SLC33A1: variants seen among roughly 807,000 people sequenced by gnomAD.
SLC33A1 encodes solute carrier family 33 member 1, also known as acetyl-coenzyme A transporter 1.
Under a neutral mutation model 50.0 loss-of-function variants are expected in SLC33A1, and 20 were observed. The ratio of observed to expected loss-of-function variants is 0.40; its 90% confidence interval spans 0.28 to 0.58. The LOEUF (loss-of-function observed/expected upper bound fraction) is 0.58, where lower values mean the gene tolerates loss of function less well. Ranked by LOEUF, SLC33A1 falls within the 20% of genes least tolerant of loss-of-function variation. The pLI is 0.44. For synonymous variants in SLC33A1, 265 were observed against 251.8 expected (o/e 1.05, Z -0.50); for missense variants, 476 against 657.0 (o/e 0.72, Z 3.01).
Position 155,826,808 on chromosome 3 carries a change from C to CT in SLC33A1, c.*1401dup, listed in dbSNP as rs1387772355. On this transcript the variant is annotated 3_prime_UTR_variant, in exon 6 of 6. Transcript: ENST00000643144. ...CTCCATTACTTATAAAAACCCCACT[C>CT]TAAAATTCAACCTATGTTATAAAAT... 6.6e-6 allele frequency: 1 copy of CT among 152,134 alleles called. No individual in the cohort carries two copies. Among genetic ancestry groups the CT allele is most frequent in the Non-Finnish European group, 1.5e-5 (1 of 68,020 alleles). The allele number at this position is 152,134 out of a possible 1,614,324, so 9.4% of individuals were successfully genotyped here. A position where few individuals can be genotyped will look rare whatever the true frequency, so the allele number is the denominator to read the frequency against.
intron 1 of SLC33A1, among the ~76,000 whole-genome samples, chr3:155,849,911 AT>A (rs1753331107): frequency 1.0e-4 from 1 of 9,568 alleles, no homozygotes; most frequent in Non-Finnish European, 1.7e-4. Flanking sequence ...CCATCTCAGA[AT>A]AATAATAATA....
intron 1 of SLC33A1, chr3:155,845,187 G>T (rs1206370696): frequency 2.6e-5 from 4 of 152,124 alleles, no homozygotes; most frequent in Non-Finnish European, 5.9e-5. Context: ...CTAGGCAAAA[G>T]AATTGTAAAT....
chr3:155,850,853 G>A (rs1255546828), intron 1 of SLC33A1, among the ~76,000 whole-genome samples: 1 of 151,884 alleles, frequency 6.6e-6, no homozygotes, highest in Admixed American at 6.5e-5. Flanking sequence ...CTGATCTCAG[G>A]TGATCTGTCC....
At chr3:155,848,352 A>T (rs556104918) in intron 1 of SLC33A1, among the ~76,000 whole-genome samples, 1 of 152,320 alleles carries the variant, frequency 6.6e-6, no homozygotes, top group East Asian at 1.9e-4. Flanking sequence ...TTAGGAAATA[A>T]AAAAGGAATT....
chr3:155,837,354 T>G (rs1441386295), intron 2 of SLC33A1, among the ~76,000 whole-genome samples: 1 of 72,120 alleles, frequency 1.4e-5, no homozygotes, highest in Non-Finnish European at 2.4e-5. Context: ...AGACTCCGTC[T>G]CAAAAAAAAA....
rs1313481708 is a variant in SLC33A1 at position 155,833,490 on chromosome 3, A to T, written c.1244T>A (p.Leu415Gln). ...TACCTGATGTAAAGCATAACTCAGCAGGACTACGATATAGTAATATATAGG... is the reference window on the plus strand; with the variant it reads ...TACCTGATGTAAAGCATAACTCAGCTGGACTACGATATAGTAATATATAGG... ...GFPIYYYIVV[L>Q]LSYALHQVTV... Residue 415 changes from leucine (L) to glutamine (Q), a missense_variant, in exon 4 of 6, where the codon CTG becomes CAG. Leu to Gln is a moderately radical substitution (Grantham distance 113, BLOSUM62 -2). Transcript: ENST00000643144. The T allele has an allele frequency of 6.4e-7, 1 of 1,568,730 alleles. No homozygotes were observed. The highest frequency in any genetic ancestry group is 8.8e-7 in the Non-Finnish European group (1 of 1,138,778).
Position 155,829,774 on chromosome 3 carries a change from C to A in SLC33A1, c.1396G>T (p.Val466Leu), listed in dbSNP as rs769973927. Residue 466 changes from valine to leucine, a missense_variant, in exon 5 of 6, where the codon GTA (valine) becomes TTA (leucine). Physicochemically the swap from Val to Leu is conservative, Grantham distance 32. Coordinates refer to ENST00000643144, the MANE Select transcript of SLC33A1 (RefSeq NM_004733.4). ...AGGGGATCTACAAGCCAAAGAGCTACTGTAGAAGGCCAGTTTCCTCCCAGA... is the reference window on the plus strand; with the variant it reads ...AGGGGATCTACAAGCCAAAGAGCTAATGTAGAAGGCCAGTTTCCTCCCAGA... ...SNLGGNWPST[V>L]ALWLVDPLTV... 5.6e-6 allele frequency: 9 copies of A among 1,614,026 alleles called. No individual in the cohort carries two copies. The highest frequency in any genetic ancestry group is 1.1e-5 in the South Asian group (1 of 91,088).
Position 155,838,871 on chromosome 3 carries a change from G to T in SLC33A1, c.963+3561C>A, listed in dbSNP as rs146602925. Among the ~76,000 whole-genome samples the T allele has an allele frequency of 4.0e-4, 61 of 151,040 alleles. No homozygotes were observed. In the East Asian group the frequency reaches 0.012, roughly 30 times the overall value. Reference sequence around the variant, plus strand: ...TCTTAAAAAAAATAAAAAATAGGCCGGGTGCGGTGGCTCACGCCTGTAATA... The same window carrying T: ...TCTTAAAAAAAATAAAAAATAGGCCTGGTGCGGTGGCTCACGCCTGTAATA... On this transcript the variant is annotated intron_variant, in intron 2 of 5. Coordinates refer to ENST00000643144, the MANE Select transcript of SLC33A1 (RefSeq NM_004733.4).
intron 1 of SLC33A1, among the ~76,000 whole-genome samples, chr3:155,848,728 C>T (rs1209424642): frequency 1.3e-5 from 2 of 152,040 alleles, no homozygotes. Flanking sequence ...ATCCTATTGT[C>T]ACAAAACTAC....
At position 155,828,272 on chromosome 3, in the gene SLC33A1, G is replaced by A; in HGVS notation, c.1588C>T (p.Pro530Ser). The change falls in exon 6 of 6, where the codon CCA (proline) becomes TCA (serine). Residue 530 changes from proline to serine, a missense_variant. Physicochemically the swap from Pro to Ser is moderately conservative, Grantham distance 74 (BLOSUM62 -1). Coordinates refer to ENST00000643144, the MANE Select transcript of SLC33A1 (RefSeq NM_004733.4). ...TCATCCTGTAACTTTTTAAATTTTGGACCAAGAAAGAACCACCAACCAAAT... is the reference window on the plus strand; with the variant it reads ...TCATCCTGTAACTTTTTAAATTTTGAACCAAGAAAGAACCACCAACCAAAT... ...IGFGWWFFLG[P>S]KFKKLQDEGS... 2 of 1,612,078 alleles carry A rather than the reference G, an allele frequency of 1.2e-6. No individual in the cohort carries two copies. Among genetic ancestry groups the A allele is most frequent in the East Asian group, 2.2e-5 (1 of 44,792 alleles).
rs983198385 is a variant in SLC33A1, at chr3:155,833,789, T to C, written c.1148+68A>G. ...ATATATATAATTCTACGCTCAGATA[T>C]TAGTGGTATTGATGAATGTTCCTCA... On this transcript the variant is annotated intron_variant, in intron 3 of 5. Coordinates refer to ENST00000643144, the MANE Select transcript of SLC33A1 (RefSeq NM_004733.4). 3.4e-6 allele frequency: 4 copies of C among 1,186,416 alleles called. No individual in the cohort carries two copies. The African/African-American group carries it at 6.0e-5, about 18-fold the overall frequency. 73.5% of individuals were successfully genotyped at this position (1,186,416 alleles called of 1,614,324 possible).
chr3:155,844,483 T>A (rs1753084295), intron 1 of SLC33A1, among the ~76,000 whole-genome samples: 1 of 121,120 alleles, frequency 8.3e-6, no homozygotes, highest in Admixed American at 9.0e-5. Flanking sequence ...TTTTTTTTTT[T>A]TTTGAGACGG....
At chr3:155,844,853 A>G (rs989201686) in intron 1 of SLC33A1, 6 of 152,176 alleles carry the variant, frequency 3.9e-5, no homozygotes, top group African/African-American at 1.4e-4. Context: ...CATTATCCTT[A>G]TAAGTGAGGC....
At chr3:155,851,816 A>G (rs2108012546) in intron 1 of SLC33A1, among the ~76,000 whole-genome samples, 1 of 152,342 alleles carries the variant, frequency 6.6e-6, no homozygotes, top group South Asian at 2.1e-4. Flanking sequence ...CAACTGAGGA[A>G]AAAGTACTAT....
In SLC33A1 at chr3:155,828,242, A is replaced by T. The variant is rs761281506; in HGVS notation, c.1618T>A (p.Ser540Thr). The change falls in exon 6 of 6, where the codon TCA (serine) becomes ACA (threonine). Residue 540 changes from serine to threonine, a missense_variant. Coordinates refer to ENST00000643144, the MANE Select transcript of SLC33A1 (RefSeq NM_004733.4). ...PKFKKLQDEGSSSWKCKRNN is the reference protein window; with the variant it reads ...PKFKKLQDEGTSSWKCKRNN Reference sequence around the variant, plus strand: ...TTCCTTTTGCATTTCCACGAAGATGATCCTTCATCCTGTAACTTTTTAAAT... The same window carrying T: ...TTCCTTTTGCATTTCCACGAAGATGTTCCTTCATCCTGTAACTTTTTAAAT... 1 of 1,613,196 alleles carries T rather than the reference A, an allele frequency of 6.2e-7. No homozygotes were observed. Among genetic ancestry groups the T allele is most frequent in the Non-Finnish European group, 8.5e-7 (1 of 1,179,248 alleles).
At chr3:155,832,337 C>T (rs762061824) in intron 4 of SLC33A1, among the ~76,000 whole-genome samples, 4 of 151,640 alleles carry the variant, frequency 2.6e-5, no homozygotes, top group Non-Finnish European at 4.4e-5. Flanking sequence ...GAGATCGTGC[C>T]ATTGCACTCC....
chr3:155,837,532 T>A (rs1260382927), intron 2 of SLC33A1, among the ~76,000 whole-genome samples: 5 of 152,180 alleles, frequency 3.3e-5, no homozygotes, highest in Non-Finnish European at 1.5e-5. Flanking sequence ...TATTCCTATA[T>A]ATTTACCAAT....
intron 2 of SLC33A1, among the ~76,000 whole-genome samples, chr3:155,836,293 A>AAAAAAAAAAAAAAAAAAG: frequency 7.6e-6 from 1 of 131,804 alleles, no homozygotes; most frequent in Non-Finnish European, 1.5e-5. Flanking sequence ...AAAAAAAAAA[A>AAAAAAAAAAAAAAAAAAG]AAAAAAAAAA....
chr3:155,853,751 C>A lies in SLC33A1; in HGVS notation c.247G>T (p.Val83Leu). Reference protein sequence around the residue: ...SSILLLLFLYVLQGIPLGLAG... With the variant: ...SSILLLLFLYLLQGIPLGLAG... ...AAGCCCAGGGGAATACCCTGAAGCACGTAAAGAAAGAGTAGTAGCAAAATG... is the reference window on the plus strand; with the variant it reads ...AAGCCCAGGGGAATACCCTGAAGCAAGTAAAGAAAGAGTAGTAGCAAAATG... The change falls in exon 1 of 6, where the codon GTG becomes TTG. Residue 83 changes from valine to leucine, a missense_variant. By Grantham distance (32) the Val-to-Leu change is conservative. Coordinates refer to ENST00000643144, the MANE Select transcript of SLC33A1 (RefSeq NM_004733.4). The A allele has an allele frequency of 1.2e-6, 2 of 1,613,996 alleles. No homozygotes were observed. The highest frequency in any genetic ancestry group is 1.7e-6 in the Non-Finnish European group (2 of 1,180,032).
Sources: allele counts gnomAD v4.1 joint callset (sites outside exome capture counted in the v4.1 genomes callset), GRCh38; gene constraint gnomAD v4.1.1; transcripts MANE v1.5; gene names NCBI Gene and HGNC (gene_info 2026-07-23, HGNC 2026-07-21).